Variants in SMC5 observed in about 807,000 individuals in gnomAD.
The protein encoded by SMC5 is structural maintenance of chromosomes 5.
SMC5 carries 88 observed loss-of-function variants against 148.3 expected under a neutral mutation model. That is an observed-to-expected ratio of 0.59 (90% confidence interval 0.50 to 0.71). SMC5 has a LOEUF of 0.71. Among genes scored for constraint, SMC5 ranks in the 30% least tolerant of loss-of-function variants. The pLI, the probability that SMC5 is intolerant of heterozygous loss-of-function variation, is 0.00. For synonymous variants in SMC5, 421 were observed against 432.8 expected, an observed-to-expected ratio of 0.97 and a Z score of 0.34; for missense variants, 1,142 against 1,298.9, an observed-to-expected ratio of 0.88 and a Z score of 1.86.
At chr9:70,318,386 T>TAAA in intron 13 of SMC5, 128 bp from the exon 14 acceptor site, 4 of 630,392 alleles carry the variant, frequency 6.3e-6, no homozygotes, top group Non-Finnish European at 7.1e-6. Context: ...AGACCCTGTC[T>TAAA]AAAAAAAAAA....
chr9:70,322,175 A>G (rs1008707607), intron 15 of SMC5, among the ~76,000 whole-genome samples: 7 of 150,664 alleles, frequency 4.6e-5, no homozygotes, highest in Non-Finnish European at 8.9e-5. Flanking sequence ...GTTTAAAGCA[A>G]GATATATCTA....
chr9:70,279,900 T>A (rs2034704100), intron 5 of SMC5, among the ~76,000 whole-genome samples: 1 of 152,110 alleles, frequency 6.6e-6, no homozygotes, highest in South Asian at 2.1e-4. Flanking sequence ...ATAGGCACAT[T>A]GTGTCACAGG....
At chr9:70,312,225 G>A (rs2035677772) in intron 11 of SMC5, 1 of 151,608 alleles carries the variant, frequency 6.6e-6, no homozygotes, top group Non-Finnish European at 1.5e-5. Context: ...GAGGCCTCAG[G>A]AAGCTTATAC....
At chr9:70,292,898 T>C (rs1433130934) in intron 8 of SMC5, among the ~76,000 whole-genome samples, 1 of 152,160 alleles carries the variant, frequency 6.6e-6, no homozygotes, top group Non-Finnish European at 1.5e-5. Flanking sequence ...TACATATTGC[T>C]GAATTCTGTG....
chr9:70,340,548 A>G (rs748904256), intron 17 of SMC5, among the ~76,000 whole-genome samples: 1 of 150,614 alleles, frequency 6.6e-6, no homozygotes, highest in Non-Finnish European at 1.5e-5. Context: ...ATTTGAAATC[A>G]ACTAAATTGG....
intron 17 of SMC5, among the ~76,000 whole-genome samples, chr9:70,334,200 T>C (rs1464776562): frequency 1.3e-5 from 2 of 150,830 alleles, no homozygotes; most frequent in African/African-American, 4.9e-5. Context: ...TAACAAACAG[T>C]GCTGGAACAA....
chr9:70,287,448 A>G (rs1178149772), intron 8 of SMC5, among the ~76,000 whole-genome samples: 1 of 152,142 alleles, frequency 6.6e-6, no homozygotes, highest in African/African-American at 2.4e-5. Flanking sequence ...TTAGGTAAGA[A>G]AGTGGGCTCT....
chr9:70,276,219 A>G (rs984171863), intron 3 of SMC5, among the ~76,000 whole-genome samples: 1 of 152,200 alleles, frequency 6.6e-6, no homozygotes, highest in African/African-American at 2.4e-5. Flanking sequence ...ATGGCTTTCT[A>G]TTGGACTGTC....
intron 11 of SMC5, among the ~76,000 whole-genome samples, chr9:70,305,642 A>T (rs948807274): frequency 6.6e-6 from 1 of 152,230 alleles, no homozygotes; most frequent in Non-Finnish European, 1.5e-5. Flanking sequence ...TTTTAAGAAA[A>T]CAAAACATAA....
chr9:70,327,022 A>G (rs907230851), intron 17 of SMC5, among the ~76,000 whole-genome samples: 2 of 152,230 alleles, frequency 1.3e-5, no homozygotes, highest in African/African-American at 4.8e-5. Context: ...ATAAAAGAAG[A>G]TACATAATAA....
At chr9:70,270,069 A>G (rs939902413) in intron 3 of SMC5, among the ~76,000 whole-genome samples, 14 of 152,284 alleles carry the variant, frequency 9.2e-5, no homozygotes, top group Admixed American at 7.2e-4. Context: ...TGCAGGACCC[A>G]TAGTTTAGGG....
chr9:70,339,456 A>G (rs1056257303), intron 17 of SMC5, among the ~76,000 whole-genome samples: 4 of 151,178 alleles, frequency 2.6e-5, no homozygotes, highest in African/African-American at 4.9e-5. Context: ...GTCAAGAATG[A>G]TGACTAAAAT....
intron 17 of SMC5, among the ~76,000 whole-genome samples, chr9:70,343,649 C>T (rs2036581986): frequency 6.6e-6 from 1 of 151,978 alleles, no homozygotes; most frequent in Admixed American, 6.6e-5. Flanking sequence ...AACCTTGTCT[C>T]TACTAAAAAC....
intron 17 of SMC5, 67 bp downstream of exon 17, chr9:70,324,210 G>T (rs1418135327): frequency 2.1e-6 from 3 of 1,455,102 alleles, no homozygotes; most frequent in South Asian, 2.6e-5. Context: ...AATATATATC[G>T]TGTCATCACT....
intron 8 of SMC5, among the ~76,000 whole-genome samples, chr9:70,288,378 A>G (rs1368679687): frequency 6.6e-6 from 1 of 151,782 alleles, no homozygotes; most frequent in Non-Finnish European, 1.5e-5. Flanking sequence ...TTGTGTATCC[A>G]TTTTTTCCCC....
rs772577034 is a variant in SMC5, at chr9:70,278,620, C to T, written c.673C>T (p.Leu225Phe). Residue 225 changes from leucine (L) to phenylalanine (F), a missense_variant, in exon 5 of 25, where the codon CTC becomes TTC. Physicochemically the swap from Leu to Phe is conservative, Grantham distance 22. Coordinates refer to ENST00000361138, the MANE Select transcript of SMC5 (RefSeq NM_015110.4). ...LKNLREKEKQ[L>F]ETSCKEKTEY... is the part of the protein sequence containing the mutation. Reference sequence around the variant, plus strand: ...AAACTTAAGGGAGAAAGAAAAACAGCTCGAGGTACTTTAAATAGACAACTC... The same window carrying T: ...AAACTTAAGGGAGAAAGAAAAACAGTTCGAGGTACTTTAAATAGACAACTC... The T allele has an allele frequency of 1.9e-6, 3 of 1,598,522 alleles. No individual in the cohort carries two copies. Among genetic ancestry groups the T allele is most frequent in the Admixed American group, 3.7e-5 (2 of 54,340 alleles).
intron 4 of SMC5, among the ~76,000 whole-genome samples, chr9:70,278,171 T>G (rs2034646943): frequency 6.6e-6 from 1 of 152,094 alleles, no homozygotes; most frequent in African/African-American, 2.4e-5. Flanking sequence ...CCCTCTAACA[T>G]TTCAACTGAT....
rs191694410 is a variant in SMC5, at chr9:70,324,922, T to C, written c.2397+779T>C. On this transcript the variant is annotated intron_variant, in intron 17 of 24. Transcript: ENST00000361138. ...AAACTCAAAAGTTTCTTTACTCTTT[T>C]CTTGTGCAGTTAGGGTACATCACCC... 2.3e-3 allele frequency among the ~76,000 whole-genome samples: 349 copies of C among 152,342 alleles called. 6 individuals are homozygous for C. Among genetic ancestry groups the C allele is most frequent in the Non-Finnish European group, 8.1e-4 (55 of 68,032 alleles).
chr9:70,295,823 C>G (rs938020485), intron 8 of SMC5, among the ~76,000 whole-genome samples: 3 of 152,122 alleles, frequency 2.0e-5, no homozygotes, highest in Admixed American at 6.5e-5. Context: ...GCTGGGATTG[C>G]AGACGTTCTG....
Sources: allele counts gnomAD v4.1 joint callset (sites outside exome capture counted in the v4.1 genomes callset), GRCh38; gene constraint gnomAD v4.1.1; transcripts MANE v1.5; gene names NCBI Gene and HGNC (gene_info 2026-07-23, HGNC 2026-07-21).